Variants in NPHS2 observed in about 807,000 individuals in gnomAD.
NPHS2 encodes the protein NPHS2 stomatin family member, podocin, also known as podocin.
A neutral mutation model predicts 37.1 loss-of-function variants in NPHS2; 36 were observed. The ratio of observed to expected loss-of-function variants is 0.97; its 90% CI spans 0.74 to 1.28. The LOEUF (loss-of-function observed/expected upper bound fraction) is 1.28, where lower values mean the gene tolerates loss of function less well. Ranked by LOEUF, NPHS2 falls within the 50% of genes most tolerant of loss-of-function variation. NPHS2 has a pLI of 0.00. For synonymous variants in NPHS2, 196 were observed against 189.3 expected, an observed-to-expected ratio of 1.04 and a Z score of -0.29; for missense variants, 447 against 488.1, an observed-to-expected ratio of 0.92 and a Z score of 0.79.
rs974113718 is a variant in NPHS2, at chr1:179,556,173, A to T, written c.738+854T>A. Reference sequence around the variant, plus strand: ...TAAGGAAAGGAGGGTGAAGGGGGACATCCCATAAAGCATAATTGCCACCAG... The same window carrying T: ...TAAGGAAAGGAGGGTGAAGGGGGACTTCCCATAAAGCATAATTGCCACCAG... On this transcript the variant is annotated intron_variant, in intron 5 of 7. Coordinates refer to ENST00000367615, the MANE Select transcript of NPHS2 (RefSeq NM_014625.4). The surrounding 1 kb of genome is among the most constrained non-coding windows in gnomAD (Gnocchi z 4.1). Among the ~76,000 whole-genome samples the T allele has an allele frequency of 6.6e-6, 1 of 152,234 alleles. No homozygotes were observed. The highest frequency in any genetic ancestry group is 2.4e-5 in the African/African-American group (1 of 41,464).
chr1:179,558,955 G>A (rs1185846433), intron 4 of NPHS2, among the ~76,000 whole-genome samples: 1 of 152,108 alleles, frequency 6.6e-6, no homozygotes, highest in Non-Finnish European at 1.5e-5. Context: ...AGAAACTATA[G>A]AATGTGTATG....
intron 4 of NPHS2, among the ~76,000 whole-genome samples, chr1:179,557,604 G>A (rs1196994431): frequency 1.3e-5 from 2 of 152,080 alleles, no homozygotes; most frequent in Non-Finnish European, 2.9e-5. Flanking sequence ...GTACGTTAGG[G>A]GATGCTTTGA....
intron 1 of NPHS2, among the ~76,000 whole-genome samples, chr1:179,572,158 T>C (rs1195968447): frequency 1.3e-5 from 2 of 152,244 alleles, no homozygotes; most frequent in African/African-American, 4.8e-5. Flanking sequence ...TCGATCATGC[T>C]GGGCGCTGTA....
At chr1:179,568,103 G>A (rs1323992547) in intron 1 of NPHS2, among the ~76,000 whole-genome samples, 3 of 152,140 alleles carry the variant, frequency 2.0e-5, no homozygotes, top group African/African-American at 7.2e-5. Flanking sequence ...TTTTTCTATT[G>A]ATTGGAAGAG....
chr1:179,551,913 C>T (rs149303472), intron 7 of NPHS2: 47 of 192,822 alleles, frequency 2.4e-4, no homozygotes, highest in African/African-American at 9.4e-4. Flanking sequence ...CTAGAAGCAA[C>T]TGCCCTGGGG....
In NPHS2 at chr1:179,552,276, G is replaced by A. The variant is rs1395414631; in HGVS notation, c.873+327C>T. On this transcript the variant is annotated intron_variant, in intron 7 of 7. Coordinates refer to ENST00000367615, the MANE Select transcript of NPHS2 (RefSeq NM_014625.4). ...GGGATACCTAGAAGTTAGAAGTTAG[G>A]GTGACTACGATTACCCAGGAAAAGA... 5 of 399,504 alleles carry A rather than the reference G, an allele frequency of 1.3e-5. No individual in the cohort carries two copies. In the Admixed American group the frequency reaches 1.8e-4, roughly 15 times the overall value. 24.7% of individuals were successfully genotyped at this position (399,504 alleles called of 1,614,324 possible).
chr1:179,568,978 G>A (rs1674439910), intron 1 of NPHS2, among the ~76,000 whole-genome samples: 1 of 152,134 alleles, frequency 6.6e-6, no homozygotes, highest in South Asian at 2.1e-4. Context: ...CAATTATGTG[G>A]TCAATTTTAG....
intron 1 of NPHS2, among the ~76,000 whole-genome samples, chr1:179,573,613 C>G (rs1674647129): frequency 1.3e-5 from 2 of 152,270 alleles, no homozygotes; most frequent in Admixed American, 6.5e-5. Flanking sequence ...TTATAATATT[C>G]TCTTTCAAGG....
chr1:179,569,123 A>C (rs940620934), intron 1 of NPHS2, among the ~76,000 whole-genome samples: 1 of 152,094 alleles, frequency 6.6e-6, no homozygotes, highest in African/African-American at 2.4e-5. Flanking sequence ...TTTCTGTGTC[A>C]TTGATCTGTC....
intron 1 of NPHS2, among the ~76,000 whole-genome samples, chr1:179,569,274 C>T (rs1204986581): frequency 2.0e-5 from 3 of 151,810 alleles, no homozygotes; most frequent in African/African-American, 7.3e-5. Flanking sequence ...GTTAGCTCTT[C>T]TTGTTGAATT....
At chr1:179,565,811 A>C (rs1272408269) in intron 1 of NPHS2, among the ~76,000 whole-genome samples, 1 of 151,654 alleles carries the variant, frequency 6.6e-6, no homozygotes, top group Admixed American at 6.6e-5. Context: ...TATGAGTGAA[A>C]ACATGTGGTG....
chr1:179,568,555 T>A (rs1674424345), intron 1 of NPHS2, among the ~76,000 whole-genome samples: 2 of 152,212 alleles, frequency 1.3e-5, no homozygotes, highest in Admixed American at 1.3e-4. Flanking sequence ...TCTCTTTCAG[T>A]TCTGCTCTGA....
At chr1:179,570,198 C>T (rs1674499843) in intron 1 of NPHS2, among the ~76,000 whole-genome samples, 2 of 152,046 alleles carry the variant, frequency 1.3e-5, no homozygotes, top group African/African-American at 2.4e-5. Flanking sequence ...AAGACCAGCT[C>T]GGTCAGGGAG....
intron 7 of NPHS2, chr1:179,552,137 T>G: frequency 5.5e-6 from 1 of 181,452 alleles, no homozygotes; most frequent in Admixed American, 5.4e-5. Context: ...CTTGCTGTCA[T>G]GCCTGAGTGG....
At chr1:179,554,416 A>T in intron 6 of NPHS2, 60 bp downstream of exon 6, 1 of 1,606,380 alleles carries the variant, frequency 6.2e-7, no homozygotes, top group Non-Finnish European at 8.5e-7. Flanking sequence ...GAAAAATTTA[A>T]AATGAAACCA....
chr1:179,573,364 A>G (rs1410437281), intron 1 of NPHS2, among the ~76,000 whole-genome samples: 2 of 152,220 alleles, frequency 1.3e-5, no homozygotes, highest in Non-Finnish European at 2.9e-5. Context: ...GTGCTCCACC[A>G]AAGAAGAACT....
At chr1:179,568,433 A>G (rs766078796) in intron 1 of NPHS2, among the ~76,000 whole-genome samples, 10 of 151,842 alleles carry the variant, frequency 6.6e-5, no homozygotes, top group Non-Finnish European at 1.5e-4. Flanking sequence ...ATCTATTTGA[A>G]TCTACTCTCT....
intron 2 of NPHS2, among the ~76,000 whole-genome samples, chr1:179,563,397 C>T (rs1028473779): frequency 1.3e-5 from 2 of 152,128 alleles, no homozygotes; most frequent in African/African-American, 4.8e-5. Context: ...TTCAATACCC[C>T]ACTTTAAACA....
rs1286629019 is a variant in NPHS2 at position 179,565,555 on chromosome 1, G to A, written c.275-762C>T. ...AAGCACTGAGCTTTACTTTACATGT[G>A]TCTGTTTGTTTTTGTTGTTGTTTTT... On this transcript the variant is annotated intron_variant, in intron 1 of 7. Transcript: ENST00000367615. 3.3e-5 allele frequency among the ~76,000 whole-genome samples: 5 copies of A among 152,122 alleles called. No homozygotes were observed. The East Asian group carries it at 9.6e-4, about 29-fold the overall frequency.
Sources: allele counts gnomAD v4.1 joint callset (sites outside exome capture counted in the v4.1 genomes callset), GRCh38; gene constraint gnomAD v4.1.1; non-coding constraint Gnocchi (gnomAD v3.1); transcripts MANE v1.5; gene names NCBI Gene and HGNC (gene_info 2026-07-23, HGNC 2026-07-21).